The following ATXN1 variants were observed in gnomAD, a reference collection of about 807,000 sequenced individuals.
The protein encoded by ATXN1 is ataxin 1.
A neutral mutation model predicts 56.4 loss-of-function variants in ATXN1; 8 were observed. The observed-to-expected ratio is 0.14, with a 90% CI of 0.08 to 0.26. The LOEUF (loss-of-function observed/expected upper bound fraction) is 0.26. ATXN1 is among the 10% of genes least tolerant of loss of function. The pLI is 1.00. For synonymous variants in ATXN1, 514 were observed against 494.6 expected (o/e 1.04, Z -0.52); for missense variants, 987 against 1,106.5 (o/e 0.89, Z 1.53).
chr6:16,586,234 T>C (rs1319638073), intron 3 of ATXN1, among the ~76,000 whole-genome samples: 1 of 152,162 alleles, frequency 6.6e-6, no homozygotes, highest in Non-Finnish European at 1.5e-5. Context: ...CCCTGCTCAA[T>C]GATTCTAAGA....
chr6:16,672,481 G>T (rs1758559218), intron 2 of ATXN1, among the ~76,000 whole-genome samples: 1 of 152,168 alleles, frequency 6.6e-6, no homozygotes, highest in Admixed American at 6.5e-5. Flanking sequence ...CTAATCCCCA[G>T]AATCAGTCTG....
At chr6:16,317,336 T>TC (rs1760535173) in intron 7 of ATXN1, among the ~76,000 whole-genome samples, 1 of 152,000 alleles carries the variant, frequency 6.6e-6, no homozygotes, top group South Asian at 2.1e-4. Flanking sequence ...TTTCTTTCTT[T>TC]TTTTTTGAGA....
At chr6:16,721,848 C>T (rs961943473) in intron 2 of ATXN1, among the ~76,000 whole-genome samples, 3 of 152,040 alleles carry the variant, frequency 2.0e-5, no homozygotes, top group Non-Finnish European at 2.9e-5. Context: ...TCCTATGAAC[C>T]TTTTGAGAAA....
At chr6:16,644,513 CA>C (rs368108627) in intron 3 of ATXN1, among the ~76,000 whole-genome samples, 27,591 of 92,240 alleles carry the variant, frequency 0.3, 2,631 homozygotes, top group East Asian at 0.52. Context: ...GACTCCGTTT[CA>C]AAAAAAAAAA....
intron 4 of ATXN1, among the ~76,000 whole-genome samples, chr6:16,550,812 T>C (rs1408121849): frequency 6.6e-6 from 1 of 152,244 alleles, no homozygotes; most frequent in Admixed American, 6.5e-5. Flanking sequence ...ATAAGCAATA[T>C]GGTAGCAATA....
At chr6:16,411,261 T>A (rs7774490) in intron 6 of ATXN1, among the ~76,000 whole-genome samples, 3 of 151,960 alleles carry the variant, frequency 2.0e-5, no homozygotes, top group Admixed American at 2.0e-4. Context: ...TATGCATAAT[T>A]AATAATAATA....
intron 3 of ATXN1, among the ~76,000 whole-genome samples, chr6:16,648,063 G>T (rs1003307144): frequency 2.2e-4 from 33 of 152,124 alleles, no homozygotes; most frequent in African/African-American, 8.0e-4. Context: ...CAACAAGAAC[G>T]AAACTCCATC....
intron 6 of ATXN1, among the ~76,000 whole-genome samples, chr6:16,390,680 T>TCACACA (rs57705650): frequency 0.015 from 2,268 of 147,256 alleles, 28 homozygotes; most frequent in Admixed American, 0.049. Context: ...AATAAACACA[T>TCACACA]CACACACACA....
At chr6:16,454,135 A>C (rs1759817451) in intron 6 of ATXN1, among the ~76,000 whole-genome samples, 1 of 66,840 alleles carries the variant, frequency 1.5e-5, no homozygotes, top group African/African-American at 4.0e-5. Context: ...CAAAAAAAAA[A>C]AAAAAAAAAA....
chr6:16,416,165 T>C (rs1581747309), intron 6 of ATXN1, among the ~76,000 whole-genome samples: 1 of 151,948 alleles, frequency 6.6e-6, no homozygotes, highest in South Asian at 2.1e-4. Context: ...CAAATGGTCA[T>C]TATCTAGTTT....
intron 3 of ATXN1, among the ~76,000 whole-genome samples, chr6:16,647,206 T>C (rs1278660863): frequency 1.3e-5 from 2 of 152,118 alleles, no homozygotes; most frequent in Non-Finnish European, 2.9e-5. Context: ...GGTTTCACCA[T>C]ATTGGCCAGG....
intron 3 of ATXN1, among the ~76,000 whole-genome samples, chr6:16,600,495 T>C (rs186376185): frequency 1.3e-5 from 2 of 152,324 alleles, no homozygotes; most frequent in East Asian, 3.9e-4. Flanking sequence ...AATAAATGGG[T>C]AGCCTAAAAG....
intron 6 of ATXN1, among the ~76,000 whole-genome samples, chr6:16,351,806 CCT>C (rs768133983): frequency 6.6e-5 from 10 of 152,148 alleles, no homozygotes; most frequent in Non-Finnish European, 1.3e-4. Context: ...GTCAGCATCC[CCT>C]GATTTCAGAA....
intron 2 of ATXN1, among the ~76,000 whole-genome samples, chr6:16,733,764 T>A (rs1394806854): frequency 2.6e-5 from 4 of 152,250 alleles, no homozygotes. Flanking sequence ...GGAGAATCAC[T>A]TGAATCCGGG....
At chr6:16,586,622 G>C (rs936332066) in intron 3 of ATXN1, among the ~76,000 whole-genome samples, 1 of 152,188 alleles carries the variant, frequency 6.6e-6, no homozygotes, top group African/African-American at 2.4e-5. Context: ...GGATGTTAAA[G>C]CCAGTACTTA....
rs144270497 is a variant in ATXN1 at position 16,343,147 on chromosome 6, A to G, written c.-160-14677T>C. ...ATCACAAGGTCAGGAGATCAAGACC[A>G]TCCTGGCTAACACGGTGAAACCCTG... On this transcript the variant is annotated intron_variant, in intron 6 of 7. Transcript: ENST00000436367. 1.7e-3 allele frequency among the ~76,000 whole-genome samples: 252 copies of G among 152,346 alleles called. 4 individuals carry two copies. The highest frequency in any genetic ancestry group is 5.6e-3 in the African/African-American group (232 of 41,588).
At chr6:16,499,770 T>A (rs193016883) in intron 5 of ATXN1, among the ~76,000 whole-genome samples, 106 of 152,334 alleles carry the variant, frequency 7.0e-4, no homozygotes, top group African/African-American at 2.3e-3. Flanking sequence ...TCTGTTTATC[T>A]TAAGCAAAAA....
intron 5 of ATXN1, among the ~76,000 whole-genome samples, chr6:16,497,474 A>G (rs1289374976): frequency 1.3e-5 from 2 of 152,236 alleles, no homozygotes; most frequent in Non-Finnish European, 2.9e-5. Context: ...ACTATCCATT[A>G]TCCAAAGTTA....
chr6:16,326,284 G>A lies in ATXN1; in HGVS notation c.1917+110C>T. On this transcript the variant is annotated intron_variant, in intron 7 of 7. Coordinates refer to ENST00000436367, the MANE Select transcript of ATXN1 (RefSeq NM_001128164.2). This position sits in a 1 kb window ranked among gnomAD's most constrained non-coding sequence, Gnocchi z 6.6. The stretch of plus-strand genomic sequence containing the variant: ...GAAAGGCCGAGTCTAAGGTCTAGGT[G>A]TACCCGAGAACCCTTAATCCTGCCT... The A allele has an allele frequency of 1.3e-6, 2 of 1,512,444 alleles. No homozygotes were observed. The highest frequency in any genetic ancestry group is 2.3e-5 in the East Asian group (1 of 43,018). 93.7% of individuals were successfully genotyped at this position (1,512,444 alleles called of 1,614,324 possible).
Sources: gnomAD v4.1 joint callset for allele counts (sites outside exome capture counted in the v4.1 genomes callset) on GRCh38, gnomAD v4.1.1 for gene constraint, Gnocchi (gnomAD v3.1) non-coding constraint, MANE v1.5 for transcripts, NCBI Gene and HGNC (gene_info 2026-07-23, HGNC 2026-07-21) for gene names.